The following SLCO1C1 variants were observed in gnomAD, a reference collection of about 807,000 sequenced individuals.
The protein encoded by SLCO1C1 is OAT-RP-5.
A neutral mutation model predicts 76.4 loss-of-function variants in SLCO1C1; 70 were observed. The ratio of observed to expected loss-of-function variants is 0.92; its 90% CI spans 0.76 to 1.12. SLCO1C1 has a LOEUF of 1.12. SLCO1C1 is among the 50% of genes most tolerant of loss of function. The pLI, the probability that SLCO1C1 is intolerant of heterozygous loss-of-function variation, is 0.00. For synonymous variants in SLCO1C1, 306 were observed against 286.1 expected (o/e 1.07, Z -0.70); for missense variants, 912 against 823.8 (o/e 1.11, Z -1.31).
At chr12:20,730,191 C>G (rs1948204488) in intron 9 of SLCO1C1, among the ~76,000 whole-genome samples, 1 of 152,130 alleles carries the variant, frequency 6.6e-6, no homozygotes, top group African/African-American at 2.4e-5. Context: ...TATTCATAAA[C>G]CAATTTTGGG....
chr12:20,747,641 G>A (rs1275112943), intron 13 of SLCO1C1, among the ~76,000 whole-genome samples: 1 of 152,056 alleles, frequency 6.6e-6, no homozygotes, highest in African/African-American at 2.4e-5. Context: ...ATCATTAAAG[G>A]TAATGTAAAA....
intron 13 of SLCO1C1, among the ~76,000 whole-genome samples, chr12:20,749,684 A>G (rs995690752): frequency 3.3e-5 from 5 of 152,214 alleles, no homozygotes; most frequent in Admixed American, 6.5e-5. Flanking sequence ...TTAAATTCCT[A>G]ACATTTTCTG....
At chr12:20,752,237 A>T in intron 14 of SLCO1C1, 69 bp from the exon 15 acceptor site, 1 of 1,044,654 alleles carries the variant, frequency 9.6e-7, no homozygotes, top group Non-Finnish European at 1.4e-6. Context: ...GTATGATATT[A>T]TTACCTTTTA....
intron 5 of SLCO1C1, among the ~76,000 whole-genome samples, chr12:20,713,499 G>A (rs1456677154): frequency 1.3e-5 from 2 of 152,220 alleles, no homozygotes; most frequent in East Asian, 1.9e-4. Flanking sequence ...AAAGGGAGAA[G>A]TTAGCAGACA....
intron 3 of SLCO1C1, among the ~76,000 whole-genome samples, chr12:20,704,974 GAGTT>G (rs1946705194): frequency 6.6e-6 from 1 of 151,926 alleles, no homozygotes; most frequent in South Asian, 2.1e-4. Context: ...CAACACACTT[GAGTT>G]AGTATTACAA....
Position 20,721,881 on chromosome 12 carries a change from A to T in SLCO1C1, c.853A>T (p.Ser285Cys). The stretch of plus-strand genomic sequence containing the variant: ...TGGCTATCTAATAGCAGGAATCATA[A>T]GTCTTCTTGCAGCTGTGCCTTTCTG... ...WLGYLIAGIISLLAAVPFWYL... is the reference protein window; with the variant it reads ...WLGYLIAGIICLLAAVPFWYL... The change falls in exon 8 of 15, where the codon AGT becomes TGT. Residue 285 changes from serine to cysteine, a missense_variant. Coordinates refer to ENST00000266509, the MANE Select transcript of SLCO1C1 (RefSeq NM_017435.5). 1 of 1,614,160 alleles carries T rather than the reference A, an allele frequency of 6.2e-7. No homozygotes were observed. Among genetic ancestry groups the T allele is most frequent in the Non-Finnish European group, 8.5e-7 (1 of 1,180,018 alleles).
intron 3 of SLCO1C1, among the ~76,000 whole-genome samples, chr12:20,701,734 A>G (rs1374507662): frequency 6.6e-6 from 1 of 151,914 alleles, no homozygotes; most frequent in Non-Finnish European, 1.5e-5. Context: ...CTTGGAGGAA[A>G]GGGTGAGATG....
intron 7 of SLCO1C1, among the ~76,000 whole-genome samples, chr12:20,719,544 C>T (rs529652353): frequency 2.6e-5 from 4 of 152,242 alleles, no homozygotes; most frequent in African/African-American, 9.6e-5. Flanking sequence ...AAAAGTGATA[C>T]TCCAGTAAAC....
At chr12:20,740,660 G>T (rs1453390442) in intron 12 of SLCO1C1, among the ~76,000 whole-genome samples, 19 of 150,892 alleles carry the variant, frequency 1.3e-4, no homozygotes, top group Non-Finnish European at 4.4e-5. Flanking sequence ...TCTAACGCTG[G>T]TGATAATAAT....
chr12:20,719,249 G>A (rs987744084), intron 7 of SLCO1C1, among the ~76,000 whole-genome samples: 1 of 152,148 alleles, frequency 6.6e-6, no homozygotes, highest in East Asian at 1.9e-4. Flanking sequence ...AATGTTGCAT[G>A]TGTTCTGACT....
intron 9 of SLCO1C1, among the ~76,000 whole-genome samples, chr12:20,726,108 C>T (rs1027539217): frequency 1.1e-4 from 17 of 151,794 alleles, no homozygotes; most frequent in African/African-American, 3.6e-4. Context: ...ATTATTTGTA[C>T]GATGGTGAAA....
chr12:20,731,701 G>T (rs1395028615), intron 9 of SLCO1C1, among the ~76,000 whole-genome samples: 2 of 152,172 alleles, frequency 1.3e-5, no homozygotes, highest in Non-Finnish European at 2.9e-5. Context: ...TTTACTTATT[G>T]TTGAGTGCCA....
intron 4 of SLCO1C1, among the ~76,000 whole-genome samples, chr12:20,710,200 C>CAT (rs1947009065): frequency 1.3e-5 from 1 of 75,486 alleles, no homozygotes; most frequent in East Asian, 3.3e-4. Context: ...CTCTACTTTT[C>CAT]TTTTTTTTTT....
At chr12:20,735,230 A>C (rs1438579220) in intron 10 of SLCO1C1, among the ~76,000 whole-genome samples, 3 of 152,210 alleles carry the variant, frequency 2.0e-5, no homozygotes, top group African/African-American at 4.8e-5. Context: ...ACTGAAGACA[A>C]GTCTTAGATA....
chr12:20,750,993 G>A, intron 14 of SLCO1C1: 1 of 983,534 alleles, frequency 1.0e-6, no homozygotes, highest in Non-Finnish European at 1.5e-6. Context: ...TCATTACCTT[G>A]ACCCCCATTT....
Position 20,706,019 on chromosome 12 carries a change from A to T in SLCO1C1, c.342A>T (p.Ala114=). ...TTCACAGGCCAAAAATAATTGGAGC[A>T]GGGTGTGTAATCATGGGAGTTGGAA... ...AKLHRPKIIG[A]GCVIMGVGTL... Residue 114 remains alanine (A), a synonymous_variant, in exon 4 of 15, where the codon GCA becomes GCT. Transcript: ENST00000266509. 6.2e-7 allele frequency: 1 copy of T among 1,613,512 alleles called. No individual in the cohort carries two copies. The highest frequency in any genetic ancestry group is 8.5e-7 in the Non-Finnish European group (1 of 1,179,528).
chr12:20,737,419 A>G (rs536761236), intron 11 of SLCO1C1, 147 bp downstream of exon 11: 15 of 813,716 alleles, frequency 1.8e-5, no homozygotes, highest in East Asian at 3.3e-5. Context: ...AGAAAATGTT[A>G]TAACCATTCC....
Position 20,752,714 on chromosome 12 carries a change from G to T in SLCO1C1, c.*186G>T, listed in dbSNP as rs1347570471. ...GAAACATATAATGGAAGATGCAGAT[G>T]ATAAAACTAATTTTGAACTTTTTAA... On this transcript the variant is annotated 3_prime_UTR_variant, in exon 15 of 15. Transcript: ENST00000266509. The T allele has an allele frequency of 7.5e-6, 3 of 398,188 alleles. No individual in the cohort carries two copies. The highest frequency in any genetic ancestry group is 3.8e-5 in the East Asian group (1 of 26,628). 24.7% of individuals were successfully genotyped at this position (398,188 alleles called of 1,614,324 possible). A position where few individuals can be genotyped will look rare whatever the true frequency, so the allele number is the denominator to read the frequency against.
intron 14 of SLCO1C1, chr12:20,751,032 C>G: frequency 1.3e-6 from 1 of 748,266 alleles, no homozygotes; most frequent in Non-Finnish European, 2.1e-6. Context: ...TAAAATATGA[C>G]AAAAGTGTCC....
Sources: allele counts gnomAD v4.1 joint callset (sites outside exome capture counted in the v4.1 genomes callset), GRCh38; gene constraint gnomAD v4.1.1; transcripts MANE v1.5; gene names NCBI Gene and HGNC (gene_info 2026-07-23, HGNC 2026-07-21).